Variants in FBXL3 observed in about 807,000 individuals in gnomAD.
FBXL3 encodes the protein F-box and leucine rich repeat protein 3, also known as F-box/LRR-repeat protein 3.
In FBXL3, 14 loss-of-function variants were observed where a neutral mutation model predicts 37.9. The observed-to-expected ratio is 0.37, with a 90% CI of 0.24 to 0.58. FBXL3 has a LOEUF of 0.58. FBXL3 is among the 20% of genes least tolerant of loss of function. The pLI is 0.74. For synonymous variants in FBXL3, 194 were observed against 180.1 expected (o/e 1.08, Z -0.62); for missense variants, 327 against 511.1 (o/e 0.64, Z 3.47).
chr13:77,016,612 C>T (rs774456627), intron 3 of FBXL3: 1 of 151,898 alleles, frequency 6.6e-6, no homozygotes, highest in African/African-American at 2.4e-5. Context: ...CCTTAGCTCA[C>T]TACAACCTTG....
chr13:77,024,814 T>C lies in FBXL3; in HGVS notation c.-2+2013A>G, dbSNP rs549577561. Reference sequence around the variant, plus strand: ...ATAGCTGAATTAAGTCTGTTAATTGTCATACGTAATATGTCTATGTTACAA... The same window carrying C: ...ATAGCTGAATTAAGTCTGTTAATTGCCATACGTAATATGTCTATGTTACAA... On this transcript the variant is annotated intron_variant, in intron 1 of 4. Coordinates refer to ENST00000355619, the MANE Select transcript of FBXL3 (RefSeq NM_012158.4). 3.0e-4 allele frequency among the ~76,000 whole-genome samples: 45 copies of C among 152,290 alleles called. No individual in the cohort carries two copies. The South Asian group carries it at 8.9e-3, about 30-fold the overall frequency.
In FBXL3 at chr13:77,006,053, T is replaced by C. The variant is rs1011935130; in HGVS notation, c.*1092A>G. ...AAGTTTTCCAGTTCACTGAGCAATA[T>C]TTACTGAAAAATATGATTATGAACT... On this transcript the variant is annotated 3_prime_UTR_variant, in exon 5 of 5. Coordinates refer to ENST00000355619, the MANE Select transcript of FBXL3 (RefSeq NM_012158.4). The C allele has an allele frequency of 7.9e-5, 12 of 152,664 alleles. No homozygotes were observed. Among genetic ancestry groups the C allele is most frequent in the African/African-American group, 2.4e-4 (10 of 41,568 alleles). The allele number at this position is 152,664 out of a possible 1,614,324, so 9.5% of individuals were successfully genotyped here.
At position 77,021,582 on chromosome 13, in the gene FBXL3, A is replaced by G. The variant is rs1164108841; in HGVS notation, c.279T>C (p.Ala93=). 2 of 1,614,184 alleles carry G rather than the reference A, an allele frequency of 1.2e-6. No homozygotes were observed. The highest frequency in any genetic ancestry group is 1.7e-6 in the Non-Finnish European group (2 of 1,180,030). ...TCTGTTTGATCAGCTCTGGATGGGT[A>G]GCTTTCAAATAAGATGTAGCTGGCT... is the stretch of plus-strand genomic sequence containing the variant. ...LNQPATSYLK[A]THPELIKQII... The change falls in exon 2 of 5, where the codon GCT becomes GCC. Residue 93 remains alanine, a synonymous_variant. Transcript: ENST00000355619.
chr13:77,021,678 T>G lies in FBXL3; in HGVS notation c.183A>C (p.Gln61His). The part of the protein sequence containing the change: ...LPLLDRAHAS[Q>H]VCRNWNQVFH... ...ATACCTGGTTCCAGTTGCGGCAAAC[T>G]TGTGAAGCATGAGCCCGGTCAAGAA... The change falls in exon 2 of 5, where the codon CAA becomes CAC. Residue 61 changes from glutamine to histidine, a missense_variant. Gln to His is a conservative substitution (Grantham distance 24). Transcript: ENST00000355619. The G allele has an allele frequency of 6.2e-7, 1 of 1,614,100 alleles. No individual in the cohort carries two copies. The highest frequency in any genetic ancestry group is 8.5e-7 in the Non-Finnish European group (1 of 1,180,020).
intron 4 of FBXL3, chr13:77,013,762 C>T (rs1160117742): frequency 6.6e-6 from 1 of 152,204 alleles, no homozygotes; most frequent in Non-Finnish European, 1.5e-5. Context: ...GCGTGAATTA[C>T]TCTTTCTTCA....
chr13:77,005,815 G>A lies in FBXL3; in HGVS notation c.*1330C>T, dbSNP rs1230426276. On this transcript the variant is annotated 3_prime_UTR_variant, in exon 5 of 5. Coordinates refer to ENST00000355619, the MANE Select transcript of FBXL3 (RefSeq NM_012158.4). ...ATTCCACCGGGGTTAAATCATTTCT[G>A]ATTTCCCTCAGGAGGGTAGTAATAT... 4 of 152,052 alleles carry A rather than the reference G, an allele frequency of 2.6e-5. No individual in the cohort carries two copies. The highest frequency in any genetic ancestry group is 5.9e-5 in the Non-Finnish European group (4 of 67,952). The allele number at this position is 152,052 out of a possible 1,614,324, so 9.4% of individuals were successfully genotyped here.
chr13:77,007,397 C>G lies in FBXL3; in HGVS notation c.1035G>C (p.Arg345=). The G allele has an allele frequency of 6.2e-7, 1 of 1,614,180 alleles. No homozygotes were observed. The highest frequency in any genetic ancestry group is 2.2e-5 in the East Asian group (1 of 44,880). The stretch of plus-strand genomic sequence containing the variant: ...TGCGAATTAACTCTTCATCAAGTGG[C>G]CGTAATCCATTTGCACACACTACTA... ...VELVVCANGL[R]PLDEELIRIA... The change falls in exon 5 of 5, where the codon CGG becomes CGC. Residue 345 remains arginine, a synonymous_variant. Coordinates refer to ENST00000355619, the MANE Select transcript of FBXL3 (RefSeq NM_012158.4).
intron 4 of FBXL3, chr13:77,012,846 C>A (rs1476751326): frequency 1.3e-5 from 2 of 152,356 alleles, no homozygotes; most frequent in Non-Finnish European, 2.9e-5. Flanking sequence ...GCGACCTCGG[C>A]TCACTGCAAC....
chr13:77,013,032 C>G (rs1566228555), intron 4 of FBXL3: 1 of 152,384 alleles, frequency 6.6e-6, no homozygotes, highest in Non-Finnish European at 1.5e-5. Flanking sequence ...CTCGGCCTCC[C>G]AAAGTGCTGG....
In FBXL3 at chr13:77,007,326, C is replaced by T. The variant is rs375666314; in HGVS notation, c.1106G>A (p.Cys369Tyr). The part of the protein sequence containing the change: ...KNLSAIGLGE[C>Y]EVSCSAFVEF... ...AACAAAGGCACTACATGAGACTTCA[C>T]ATTCCCCTAGTCCAATAGCTGACAA... Residue 369 changes from cysteine (C) to tyrosine (Y), a missense_variant, in exon 5 of 5, where the codon TGT becomes TAT. By Grantham distance (194) the Cys-to-Tyr change is radical. Transcript: ENST00000355619. The T allele has an allele frequency of 1.2e-6, 2 of 1,614,070 alleles. No homozygotes were observed. The highest frequency in any genetic ancestry group is 2.7e-5 in the African/African-American group (2 of 74,940).
chr13:77,009,218 T>G (rs568345100), intron 4 of FBXL3: 1 of 152,342 alleles, frequency 6.6e-6, no homozygotes, highest in African/African-American at 2.4e-5. Flanking sequence ...AGATAGGCAT[T>G]AGAATTATCA....
Position 77,007,035 on chromosome 13 carries a change from T to G in FBXL3, c.*110A>C. On this transcript the variant is annotated 3_prime_UTR_variant, in exon 5 of 5. Transcript: ENST00000355619. Reference sequence around the variant, plus strand: ...AATCTTTACATATACTGACTGAAGATATCAAATTTCTGTGCCACAAAATAG... The same window carrying G: ...AATCTTTACATATACTGACTGAAGAGATCAAATTTCTGTGCCACAAAATAG... 1 of 1,456,836 alleles carries G rather than the reference T, an allele frequency of 6.9e-7. No homozygotes were observed. The highest frequency in any genetic ancestry group is 9.0e-7 in the Non-Finnish European group (1 of 1,111,862). The allele number at this position is 1,456,836 out of a possible 1,614,324, so 90.2% of individuals were successfully genotyped here.
intron 1 of FBXL3, among the ~76,000 whole-genome samples, chr13:77,023,938 G>C (rs982346249): frequency 6.6e-6 from 1 of 152,236 alleles, no homozygotes; most frequent in Non-Finnish European, 1.5e-5. Flanking sequence ...AGTCAAAGAC[G>C]TCTTAGCATA....
rs934828003 is a variant in FBXL3 at position 77,027,014 on chromosome 13, T to C, written c.-189A>G. 1 of 151,720 alleles carries C rather than the reference T, an allele frequency of 6.6e-6. No homozygotes were observed. Among genetic ancestry groups the C allele is most frequent in the East Asian group, 1.9e-4 (1 of 5,156 alleles). The allele number at this position is 151,720 out of a possible 1,614,324, so 9.4% of individuals were successfully genotyped here. ...GGAGGGCGCCAACGCGGCTCCACCT[T>C]TGCGGCTCTGGCTGCCCAGAAAGAA... On this transcript the variant is annotated 5_prime_UTR_variant, in exon 1 of 5. Coordinates refer to ENST00000355619, the MANE Select transcript of FBXL3 (RefSeq NM_012158.4).
chr13:77,019,638 G>A (rs960707080), intron 2 of FBXL3, among the ~76,000 whole-genome samples: 4 of 152,080 alleles, frequency 2.6e-5, no homozygotes, highest in Non-Finnish European at 4.4e-5. Context: ...CAGAAACTGT[G>A]GGGGTGGGAC....
chr13:77,020,616 T>TA (rs2034726020), intron 2 of FBXL3, among the ~76,000 whole-genome samples: 2 of 151,822 alleles, frequency 1.3e-5, no homozygotes, highest in Non-Finnish European at 2.9e-5. Flanking sequence ...TTTTTTTTTT[T>TA]CAATAAGTTA....
chr13:77,019,321 A>G (rs1411395777), intron 2 of FBXL3, among the ~76,000 whole-genome samples: 1 of 152,054 alleles, frequency 6.6e-6, no homozygotes, highest in Non-Finnish European at 1.5e-5. Context: ...CTGCAAAGAC[A>G]TTTCCTAAGG....
intron 1 of FBXL3, chr13:77,026,161 T>A (rs2034834916): frequency 4.1e-6 from 4 of 985,216 alleles, no homozygotes; most frequent in Non-Finnish European, 4.8e-6. Flanking sequence ...ATAAAAATGA[T>A]CTCTCTCACC....
At chr13:77,007,913 A>AT (rs2034481647) in intron 4 of FBXL3, 125 bp from the exon 5 acceptor site, 2 of 694,948 alleles carry the variant, frequency 2.9e-6, no homozygotes, top group African/African-American at 3.6e-5. Context: ...ATAATTTAAA[A>AT]TGTGCATAGT....
Sources: allele counts gnomAD v4.1 joint callset (sites outside exome capture counted in the v4.1 genomes callset), GRCh38; gene constraint gnomAD v4.1.1; transcripts MANE v1.5; gene names NCBI Gene and HGNC (gene_info 2026-07-23, HGNC 2026-07-21).